Variants in ARHGAP44 observed in about 807,000 individuals in gnomAD.
The protein encoded by ARHGAP44 is Rho GTPase activating protein 44.
In ARHGAP44, 43 loss-of-function variants were observed where a neutral mutation model predicts 106.8. The ratio of observed to expected loss-of-function variants is 0.40; its 90% CI spans 0.32 to 0.52. ARHGAP44 has a LOEUF of 0.52. ARHGAP44 is among the 20% of genes least tolerant of loss of function. The pLI, the probability that ARHGAP44 is intolerant of heterozygous loss-of-function variation, is 0.48. For synonymous variants in ARHGAP44, 439 were observed against 410.3 expected (o/e 1.07, Z -0.85); for missense variants, 866 against 1,050.5 (o/e 0.82, Z 2.43).
At chr17:12,961,648 T>C (rs1406776663) in intron 16 of ARHGAP44, among the ~76,000 whole-genome samples, 1 of 152,018 alleles carries the variant, frequency 6.6e-6, no homozygotes, top group Non-Finnish European at 1.5e-5. Context: ...GCAGGAAAAT[T>C]GCTTGAACCT....
chr17:12,968,656 C>T (rs765507233), intron 16 of ARHGAP44, among the ~76,000 whole-genome samples: 6 of 152,104 alleles, frequency 3.9e-5, no homozygotes, highest in Non-Finnish European at 7.4e-5. Flanking sequence ...CAGAGCCCCG[C>T]GAGACTAAGA....
intron 1 of ARHGAP44, among the ~76,000 whole-genome samples, chr17:12,820,696 T>C (rs1001221282): frequency 1.3e-5 from 2 of 152,130 alleles, no homozygotes; most frequent in African/African-American, 4.8e-5. Context: ...ATCATGTGAT[T>C]GAAGGTTTCT....
At chr17:12,984,400 AG>A in intron 19 of ARHGAP44, 130 bp from the exon 20 acceptor site, 3 of 883,154 alleles carry the variant, frequency 3.4e-6, no homozygotes, top group Non-Finnish European at 4.6e-6. Context: ...CAGGGCAGGG[AG>A]GTGTGGGTGG....
intron 1 of ARHGAP44, among the ~76,000 whole-genome samples, chr17:12,845,432 C>T (rs147960661): frequency 2.8e-5 from 4 of 144,546 alleles, no homozygotes; most frequent in Non-Finnish European, 6.0e-5. Flanking sequence ...TGCTTGAAAT[C>T]GGGAGGCGGA....
chr17:12,825,912 A>G (rs2034906953), intron 1 of ARHGAP44, among the ~76,000 whole-genome samples: 1 of 152,156 alleles, frequency 6.6e-6, no homozygotes, highest in African/African-American at 2.4e-5. Context: ...TTAACTTTCT[A>G]CTTTCCACCT....
chr17:12,947,493 A>G (rs990566689), intron 10 of ARHGAP44, among the ~76,000 whole-genome samples: 1 of 152,078 alleles, frequency 6.6e-6, no homozygotes, highest in African/African-American at 2.4e-5. Context: ...GTGCTCCTCA[A>G]CCTCAGTGAG....
intron 1 of ARHGAP44, among the ~76,000 whole-genome samples, chr17:12,883,465 A>G (rs2190704): frequency 0.11 from 17,329 of 151,576 alleles, 1,302 homozygotes; most frequent in Middle Eastern, 0.2. Context: ...AGCTTCTTAA[A>G]TATTTTCAGC....
rs549649253 is a variant in ARHGAP44 at position 12,851,358 on chromosome 17, G to T, written c.54-43582G>T. ...CAGAGGCTTATTTTTCATTTACAGA[G>T]AAGTCTAAAAGGTAGGAAAGCTGTG... On this transcript the variant is annotated intron_variant, in intron 1 of 20. Coordinates refer to ENST00000379672, the MANE Select transcript of ARHGAP44 (RefSeq NM_014859.6). Among the ~76,000 whole-genome samples the T allele has an allele frequency of 3.0e-4, 45 of 152,316 alleles. No individual in the cohort carries two copies. The East Asian group carries it at 3.9e-3, about 13-fold the overall frequency.
At position 12,939,238 on chromosome 17, in the gene ARHGAP44, T is replaced by C. The variant is rs1412322176; in HGVS notation, c.583-1818T>C. ...TATTCTTTGGGAAATTTACCATCCT[T>C]GAGCCTTGATTTTTTTTTTCATCTG... is the stretch of plus-strand genomic sequence containing the variant. On this transcript the variant is annotated intron_variant, in intron 7 of 20. Coordinates refer to ENST00000379672, the MANE Select transcript of ARHGAP44 (RefSeq NM_014859.6). Among the ~76,000 whole-genome samples the C allele has an allele frequency of 2.6e-5, 4 of 152,064 alleles. No homozygotes were observed. The East Asian group carries it at 7.7e-4, about 29-fold the overall frequency.
intron 1 of ARHGAP44, among the ~76,000 whole-genome samples, chr17:12,814,427 G>T (rs544016050): frequency 2.0e-5 from 3 of 151,798 alleles, no homozygotes; most frequent in South Asian, 4.2e-4. Context: ...TTTTAGTAGA[G>T]ACGGGGTTTC....
At chr17:12,851,625 G>A (rs188181921) in intron 1 of ARHGAP44, among the ~76,000 whole-genome samples, 314 of 150,404 alleles carry the variant, frequency 2.1e-3, no homozygotes, top group Non-Finnish European at 3.2e-3. Context: ...GTAGAGAAAC[G>A]GTTTCACCAT....
intron 1 of ARHGAP44, among the ~76,000 whole-genome samples, chr17:12,861,998 T>C (rs2036100523): frequency 6.6e-6 from 1 of 152,142 alleles, no homozygotes; most frequent in South Asian, 2.1e-4. Flanking sequence ...CTGCAGACTC[T>C]GCTTATCTCA....
At chr17:12,954,061 T>TG (rs984748258) in intron 13 of ARHGAP44, among the ~76,000 whole-genome samples, 19 of 131,532 alleles carry the variant, frequency 1.4e-4, no homozygotes, top group African/African-American at 4.9e-4. Context: ...CTAATTTTTG[T>TG]GTTTTTTTTT....
chr17:12,929,218 T>C (rs1209722155), intron 7 of ARHGAP44, 172 bp downstream of exon 7: 10 of 544,244 alleles, frequency 1.8e-5, no homozygotes, highest in Non-Finnish European at 3.0e-5. Flanking sequence ...ACCCAAGGAG[T>C]TGGGGCTTTG....
chr17:12,838,357 A>G (rs2035296365), intron 1 of ARHGAP44, among the ~76,000 whole-genome samples: 1 of 152,240 alleles, frequency 6.6e-6, no homozygotes, highest in Non-Finnish European at 1.5e-5. Flanking sequence ...AAGAAAACAC[A>G]TACAAAAGTT....
intron 7 of ARHGAP44, among the ~76,000 whole-genome samples, chr17:12,935,977 G>A (rs2038536054): frequency 6.6e-6 from 1 of 152,164 alleles, no homozygotes; most frequent in African/African-American, 2.4e-5. Flanking sequence ...GAAAAACAGA[G>A]ATTTTGCACT....
chr17:12,903,342 C>T (rs1377442755), intron 3 of ARHGAP44, among the ~76,000 whole-genome samples: 1 of 152,068 alleles, frequency 6.6e-6, no homozygotes, highest in African/African-American at 2.4e-5. Flanking sequence ...CTTTCCTTCC[C>T]TTAATTCTCA....
At chr17:12,826,630 G>A (rs545385594) in intron 1 of ARHGAP44, among the ~76,000 whole-genome samples, 12 of 152,190 alleles carry the variant, frequency 7.9e-5, no homozygotes, top group Admixed American at 3.3e-4. Context: ...TCTCATCCTG[G>A]CCCTGTGTCC....
At chr17:12,847,450 C>G (rs976098919) in intron 1 of ARHGAP44, among the ~76,000 whole-genome samples, 1 of 150,556 alleles carries the variant, frequency 6.6e-6, no homozygotes, top group African/African-American at 2.4e-5. Flanking sequence ...GCATTTTGTT[C>G]TTACCTCCGT....
Sources: gnomAD v4.1 joint callset for allele counts (sites outside exome capture counted in the v4.1 genomes callset) on GRCh38, gnomAD v4.1.1 for gene constraint, MANE v1.5 for transcripts, NCBI Gene and HGNC (gene_info 2026-07-23, HGNC 2026-07-21) for gene names.